Variants in CBR3 observed in about 807,000 individuals in gnomAD.
CBR3 encodes carbonyl reductase [NADPH] 3.
A neutral mutation model predicts 11.6 loss-of-function variants in CBR3; 14 were observed. That is an observed-to-expected ratio of 1.20 (90% CI 0.79 to 1.88). The LOEUF is 1.88. Ranked by LOEUF, CBR3 falls within the 40% of genes most tolerant of loss-of-function variation. The pLI, the probability that CBR3 is intolerant of heterozygous loss-of-function variation, is 0.00. For missense variants in CBR3, 308 were observed against 357.3 expected (o/e 0.86, Z 1.11); for synonymous variants, 125 against 145.6 (o/e 0.86, Z 1.02).
At chr21:36,138,044 A>AG (rs2065676264) in intron 2 of CBR3, 112 bp downstream of exon 2, 1 of 644,198 alleles carries the variant, frequency 1.6e-6, no homozygotes, top group African/African-American at 1.8e-5. Context: ...ATTTCTCTGA[A>AG]GGGGGAAAAA....
At chr21:36,142,142 C>T (rs1384966388) in intron 2 of CBR3, 1 of 155,954 alleles carries the variant, frequency 6.4e-6, no homozygotes, top group East Asian at 1.9e-4. Flanking sequence ...CAATTAAATG[C>T]AATCCATGGG....
In CBR3 at chr21:36,135,282, T is replaced by C. The variant is rs138199629; in HGVS notation, c.90T>C (p.Ser30=). Residue 30 remains serine (S), a synonymous_variant, in exon 1 of 3, where the codon TCT becomes TCC. Coordinates refer to ENST00000290354, the MANE Select transcript of CBR3 (RefSeq NM_001236.4). ...AIARELCRQF[S]GDVVLTARDV... ...CGCGCGAACTGTGCCGACAGTTCTC[T>C]GGGGATGTGGTGCTCACCGCGCGGG... 4.8e-5 allele frequency: 77 copies of C among 1,608,258 alleles called. No homozygotes were observed. The African/African-American group carries it at 9.1e-4, about 19-fold the overall frequency.
chr21:36,135,593 C>T, intron 1 of CBR3, 112 bp downstream of exon 1: 4 of 1,032,032 alleles, frequency 3.9e-6, no homozygotes, highest in South Asian at 1.8e-5. Flanking sequence ...TGGCGCCGAC[C>T]CCTAGGGATG....
intron 2 of CBR3, 50 bp from the exon 3 acceptor site, chr21:36,146,026 G>A (rs764103027): frequency 8.4e-7 from 1 of 1,194,736 alleles, no homozygotes; most frequent in Non-Finnish European, 1.2e-6. Context: ...TATTCAACCA[G>A]TGGTTGTACC....
At chr21:36,136,446 C>T (rs1488798305) in intron 1 of CBR3, among the ~76,000 whole-genome samples, 1 of 152,202 alleles carries the variant, frequency 6.6e-6, no homozygotes, top group South Asian at 2.1e-4. Flanking sequence ...GCCCTAGGCA[C>T]TCCGCATTGT....
At chr21:36,145,046 G>A (rs1043190917) in intron 2 of CBR3, 7 of 152,284 alleles carry the variant, frequency 4.6e-5, no homozygotes, top group Non-Finnish European at 1.0e-4. Flanking sequence ...GGAGGTTGCA[G>A]TGAGCCAAGA....
At chr21:36,144,541 C>T (rs2065739702) in intron 2 of CBR3, among the ~76,000 whole-genome samples, 1 of 136,564 alleles carries the variant, frequency 7.3e-6, no homozygotes, top group Non-Finnish European at 1.6e-5. Flanking sequence ...GCAGTAGAAT[C>T]ACTTGATCCT....
At chr21:36,145,986 C>T in intron 2 of CBR3, 90 bp from the exon 3 acceptor site, 1 of 769,546 alleles carries the variant, frequency 1.3e-6, no homozygotes. Flanking sequence ...AAAAAACCTG[C>T]ACCAAGACTC....
Position 36,146,279 on chromosome 21 carries a change from G to T in CBR3, c.601G>T (p.Val201Phe). Residue 201 changes from valine to phenylalanine, a missense_variant, in exon 3 of 3, where the codon GTC becomes TTC. Coordinates refer to ENST00000290354, the MANE Select transcript of CBR3 (RefSeq NM_001236.4). The part of the protein sequence containing the change: ...NSPYGVSKLG[V>F]TVLSRILARR... ...ACCTTATGGGGTGTCCAAGTTGGGG[G>T]TCACGGTCTTATCGAGGATCCTGGC... 6.2e-7 allele frequency: 1 copy of T among 1,614,178 alleles called. No individual in the cohort carries two copies. Among genetic ancestry groups the T allele is most frequent in the South Asian group, 1.1e-5 (1 of 91,084 alleles).
rs545626214 is a variant in CBR3 at position 36,145,284 on chromosome 21, A to G, written c.398-792A>G. Among the ~76,000 whole-genome samples the G allele has an allele frequency of 7.9e-5, 12 of 152,272 alleles. No homozygotes were observed. The South Asian group carries it at 2.3e-3, about 29-fold the overall frequency. On this transcript the variant is annotated intron_variant, in intron 2 of 2. Coordinates refer to ENST00000290354, the MANE Select transcript of CBR3 (RefSeq NM_001236.4). ...CAAAAAAATTAAATCCCATGGGTGCATAGATTTTATGCCTTCTATAGTCAC... is the reference window on the plus strand; with the variant it reads ...CAAAAAAATTAAATCCCATGGGTGCGTAGATTTTATGCCTTCTATAGTCAC...
intron 2 of CBR3, among the ~76,000 whole-genome samples, chr21:36,143,313 A>C (rs1357922034): frequency 3.3e-5 from 5 of 152,106 alleles, no homozygotes; most frequent in African/African-American, 1.2e-4. Context: ...AAGAAAAAAA[A>C]AAAGACCCTA....
chr21:36,142,431 C>CAAAAAAAAAAAAAAA (rs71326645), intron 2 of CBR3, among the ~76,000 whole-genome samples: 2,894 of 40,084 alleles, frequency 0.072, 470 homozygotes, highest in African/African-American at 0.092. Context: ...GACTCCATCT[C>CAAAAAAAAAAAAAAA]AAAAAAAAAA....
At chr21:36,135,627 G>C (rs375968532) in intron 1 of CBR3, 146 bp downstream of exon 1, 38 of 756,090 alleles carry the variant, frequency 5.0e-5, no homozygotes, top group East Asian at 4.2e-4. Context: ...CCTCCCGCGA[G>C]GCGGTTTTCG....
intron 2 of CBR3, chr21:36,145,207 A>C (rs1269222343): frequency 5.3e-5 from 8 of 152,182 alleles, no homozygotes; most frequent in Non-Finnish European, 1.2e-4. Context: ...TGAGAAAGGG[A>C]GCCCCCCCTG....
Position 36,135,103 on chromosome 21 carries a change from T to A in CBR3, c.-90T>A, listed in dbSNP as rs932665880. 1.4e-4 allele frequency: 172 copies of A among 1,271,942 alleles called. No homozygotes were observed. The highest frequency in any genetic ancestry group is 3.2e-4 in the South Asian group (19 of 59,066). 78.8% of individuals were successfully genotyped at this position (1,271,942 alleles called of 1,614,324 possible). On this transcript the variant is annotated 5_prime_UTR_variant, in exon 1 of 3. Transcript: ENST00000290354. ...CAGAACTTAGTCTGCGCGGCGGCAT[T>A]GACACTAGCTGGGCTCCTCGGGGCG...
At chr21:36,144,471 A>C (rs2065739109) in intron 2 of CBR3, among the ~76,000 whole-genome samples, 1 of 149,602 alleles carries the variant, frequency 6.7e-6, no homozygotes, top group African/African-American at 2.5e-5. Context: ...ACAAAATAAA[A>C]AATTTTTAGG....
intron 2 of CBR3, among the ~76,000 whole-genome samples, chr21:36,142,206 G>A (rs1200595026): frequency 6.6e-6 from 1 of 152,110 alleles, no homozygotes; most frequent in Non-Finnish European, 1.5e-5. Context: ...ACCAAGGCGG[G>A]CGGATCATGA....
intron 2 of CBR3, among the ~76,000 whole-genome samples, chr21:36,139,389 T>TC (rs1028753197): frequency 2.0e-5 from 3 of 149,406 alleles, no homozygotes; most frequent in Non-Finnish European, 4.5e-5. Context: ...TTTCTTTTTT[T>TC]TTTTTTTTTT....
intron 2 of CBR3, among the ~76,000 whole-genome samples, chr21:36,140,925 A>G (rs8127241): frequency 0.83 from 123,538 of 149,164 alleles, 51,331 homozygotes; most frequent in Non-Finnish European, 0.87. Flanking sequence ...GGAGAATGGC[A>G]TGAACCCGGG....
Sources: allele counts gnomAD v4.1 joint callset (sites outside exome capture counted in the v4.1 genomes callset), GRCh38; gene constraint gnomAD v4.1.1; transcripts MANE v1.5; gene names NCBI Gene and HGNC (gene_info 2026-07-23, HGNC 2026-07-21).